Variants in EYS observed in about 807,000 individuals in gnomAD.
The protein encoded by EYS is EGF-like photoreceptor maintenance factor.
A neutral mutation model predicts 282.1 loss-of-function variants in EYS; 250 were observed. The observed-to-expected ratio is 0.89, with a 90% confidence interval of 0.80 to 0.98. The LOEUF (loss-of-function observed/expected upper bound fraction) is 0.98, where lower values mean the gene tolerates loss of function less well. Ranked by LOEUF, EYS falls within the 50% of genes least tolerant of loss-of-function variation. The pLI, the probability that EYS is intolerant of heterozygous loss-of-function variation, is 0.00. For missense variants in EYS, 4,016 were observed against 3,709.0 expected (o/e 1.08, Z -2.15); for synonymous variants, 1,355 against 1,282.9 (o/e 1.06, Z -1.20).
rs574948016 is a variant in EYS, at chr6:64,388,818, C to T, written c.5950G>A (p.Ala1984Thr). 6.5e-5 allele frequency: 99 copies of T among 1,524,058 alleles called. No homozygotes were observed. The highest frequency in any genetic ancestry group is 6.5e-4 in the South Asian group (50 of 77,200). 94.4% of individuals were successfully genotyped at this position (1,524,058 alleles called of 1,614,324 possible). A position where few individuals can be genotyped will look rare whatever the true frequency, so the allele number is the denominator to read the frequency against. Residue 1984 changes from alanine to threonine, a missense_variant, in exon 29 of 43, where the codon GCT becomes ACT. Ala to Thr is a moderately conservative substitution (Grantham distance 58). Transcript: ENST00000503581. ...LIRQELDPCN[A>T]ELTILGRNTQ... The stretch of plus-strand genomic sequence containing the variant: ...TTCCTCCCTAAAATAGTCAGCTCAG[C>T]GTTACATGGATCCAATTCTTGCCTG...
intron 28 of EYS, among the ~76,000 whole-genome samples, chr6:64,414,750 G>A (rs922667956): frequency 3.3e-5 from 5 of 152,090 alleles, no homozygotes; most frequent in East Asian, 1.9e-4. Context: ...TACTTTGCCC[G>A]TTGCTTTTCA....
chr6:63,869,419 C>A (rs962518291), intron 35 of EYS, among the ~76,000 whole-genome samples: 1 of 151,912 alleles, frequency 6.6e-6, no homozygotes, highest in African/African-American at 2.4e-5. Context: ...AAATAAACTT[C>A]ATTGGTAAAG....
At chr6:64,173,531 C>T (rs1465915602) in intron 31 of EYS, among the ~76,000 whole-genome samples, 1 of 152,088 alleles carries the variant, frequency 6.6e-6, no homozygotes, top group Non-Finnish European at 1.5e-5. Flanking sequence ...ATCCGCTTCC[C>T]ATTTATCCCC....
intron 2 of EYS, among the ~76,000 whole-genome samples, chr6:65,574,322 T>C (rs183900411): frequency 1.3e-5 from 2 of 152,158 alleles, no homozygotes; most frequent in East Asian, 3.9e-4. Flanking sequence ...AAAGACACGA[T>C]ATAATCAAAC....
chr6:64,240,589 T>C (rs550676192), intron 30 of EYS, among the ~76,000 whole-genome samples: 5 of 152,332 alleles, frequency 3.3e-5, no homozygotes, highest in Non-Finnish European at 7.3e-5. Context: ...CTTGTGATTT[T>C]TGCACATTGA....
intron 41 of EYS, among the ~76,000 whole-genome samples, chr6:63,739,787 G>A (rs1769025288): frequency 6.6e-6 from 1 of 151,772 alleles, no homozygotes; most frequent in Admixed American, 6.6e-5. Context: ...TCTACATCCT[G>A]CGTTCAAGCA....
intron 5 of EYS, among the ~76,000 whole-genome samples, chr6:65,417,507 C>T (rs772581508): frequency 6.6e-6 from 1 of 151,968 alleles, no homozygotes; most frequent in African/African-American, 2.4e-5. Context: ...CAATATATTC[C>T]TCCATTGTAT....
intron 31 of EYS, among the ~76,000 whole-genome samples, chr6:64,129,798 A>G (rs1582312925): frequency 1.3e-5 from 2 of 152,182 alleles, no homozygotes; most frequent in South Asian, 4.1e-4. Context: ...ATCTTGAATT[A>G]ATTTTTGTAT....
At chr6:65,460,114 C>T (rs1324083119) in intron 5 of EYS, among the ~76,000 whole-genome samples, 1 of 144,346 alleles carries the variant, frequency 6.9e-6, no homozygotes, top group Non-Finnish European at 1.5e-5. Flanking sequence ...TATAAAATAT[C>T]CTCTAAGAGA....
chr6:64,837,564 G>C (rs1206843378), intron 19 of EYS, among the ~76,000 whole-genome samples: 6 of 148,522 alleles, frequency 4.0e-5, no homozygotes, highest in Non-Finnish European at 8.9e-5. Context: ...GTTTTCAGAT[G>C]ACATATATAT....
intron 1 of EYS, among the ~76,000 whole-genome samples, chr6:65,702,336 C>G (rs1039988222): frequency 6.6e-6 from 1 of 152,138 alleles, no homozygotes; most frequent in Non-Finnish European, 1.5e-5. Context: ...AGTATTTACA[C>G]TAATTTGATG....
chr6:65,301,193 T>G (rs1203142315), intron 11 of EYS, among the ~76,000 whole-genome samples: 1 of 152,188 alleles, frequency 6.6e-6, no homozygotes, highest in Non-Finnish European at 1.5e-5. Context: ...TGTAAATATT[T>G]TATTGAAAGT....
intron 35 of EYS, among the ~76,000 whole-genome samples, chr6:63,960,210 T>C (rs1308005051): frequency 6.6e-6 from 1 of 152,086 alleles, no homozygotes; most frequent in African/African-American, 2.4e-5. Flanking sequence ...TGGAAGAAGT[T>C]GATTACAATC....
intron 2 of EYS, among the ~76,000 whole-genome samples, chr6:65,624,271 T>C (rs1190795007): frequency 6.6e-6 from 1 of 152,152 alleles, no homozygotes; most frequent in Non-Finnish European, 1.5e-5. Context: ...TGACTTAGTA[T>C]TGGGGTTGGC....
At chr6:64,547,434 G>A (rs1316165447) in intron 26 of EYS, among the ~76,000 whole-genome samples, 1 of 152,256 alleles carries the variant, frequency 6.6e-6, no homozygotes. Context: ...ACTAGATTAG[G>A]TAGATACAGA....
At chr6:65,404,138 G>A (rs1766626141) in intron 6 of EYS, among the ~76,000 whole-genome samples, 1 of 152,002 alleles carries the variant, frequency 6.6e-6, no homozygotes, top group East Asian at 1.9e-4. Context: ...TCTAGAGGAT[G>A]CATTCATTTT....
chr6:64,189,949 C>T (rs1028926607), intron 31 of EYS, among the ~76,000 whole-genome samples: 19 of 152,172 alleles, frequency 1.2e-4, no homozygotes, highest in Non-Finnish European at 2.5e-4. Context: ...GGAGCTAAAT[C>T]ATTTTCCTTC....
chr6:64,370,060 T>G (rs1406743524), intron 29 of EYS, among the ~76,000 whole-genome samples: 1 of 151,968 alleles, frequency 6.6e-6, no homozygotes, highest in Admixed American at 6.6e-5. Flanking sequence ...GGAATTCCAG[T>G]ACTACTGAAT....
At chr6:64,797,762 G>A (rs1166283639) in intron 22 of EYS, among the ~76,000 whole-genome samples, 2 of 151,894 alleles carry the variant, frequency 1.3e-5, no homozygotes, top group Admixed American at 1.3e-4. Flanking sequence ...TAAAACTACA[G>A]TGCCTGGATA....
Sources: gnomAD v4.1 joint callset for allele counts (sites outside exome capture counted in the v4.1 genomes callset) on GRCh38, gnomAD v4.1.1 for gene constraint, MANE v1.5 for transcripts, NCBI Gene and HGNC (gene_info 2026-07-23, HGNC 2026-07-21) for gene names.